Variants in CPED1 observed in about 807,000 individuals in gnomAD.
CPED1 encodes the protein cadherin like and PC-esterase domain containing 1, also known as cadherin-like and PC-esterase domain-containing protein 1.
CPED1 carries 114 observed loss-of-function variants against 128.2 expected under a neutral mutation model. The ratio of observed to expected loss-of-function variants is 0.89; its 90% CI spans 0.76 to 1.04. CPED1 has a LOEUF of 1.04. CPED1 is among the 50% of genes least tolerant of loss of function. The pLI, the probability that CPED1 is intolerant of heterozygous loss-of-function variation, is 0.00. For missense variants in CPED1, 1,211 were observed against 1,207.1 expected (o/e 1.00, Z -0.05); for synonymous variants, 462 against 426.7 (o/e 1.08, Z -1.02).
chr7:121,051,578 C>T, intron 4 of CPED1: 2 of 372,606 alleles, frequency 5.4e-6, no homozygotes, highest in Non-Finnish European at 1.0e-5. Flanking sequence ...ATGTCTTGAA[C>T]ATTTTAAATT....
intron 22 of CPED1, among the ~76,000 whole-genome samples, chr7:121,274,873 G>A (rs1792301247): frequency 6.6e-6 from 1 of 152,050 alleles, no homozygotes; most frequent in Admixed American, 6.6e-5. Context: ...AAAAAAAGTT[G>A]GTGACTGCTC....
chr7:121,122,388 G>A (rs953059222), intron 7 of CPED1, among the ~76,000 whole-genome samples: 6 of 152,106 alleles, frequency 3.9e-5, no homozygotes, highest in African/African-American at 9.7e-5. Context: ...TGATCCACCC[G>A]CCTTGGCCTC....
At chr7:121,177,294 T>G (rs547115111) in intron 16 of CPED1, among the ~76,000 whole-genome samples, 11 of 152,118 alleles carry the variant, frequency 7.2e-5, no homozygotes, top group Admixed American at 2.6e-4. Context: ...TTCAATGATA[T>G]GTGTGTGTGT....
chr7:121,171,333 T>C (rs771436187), intron 16 of CPED1, among the ~76,000 whole-genome samples: 1 of 152,240 alleles, frequency 6.6e-6, no homozygotes, highest in African/African-American at 2.4e-5. Flanking sequence ...AGGAATACTT[T>C]ACAATATCAA....
intron 16 of CPED1, among the ~76,000 whole-genome samples, chr7:121,194,541 G>A (rs1797227272): frequency 6.6e-6 from 1 of 152,020 alleles, no homozygotes; most frequent in South Asian, 2.1e-4. Context: ...TTTACCAGCT[G>A]TATGGTTTGG....
intron 14 of CPED1, 118 bp downstream of exon 14, chr7:121,136,208 T>A: frequency 1.0e-6 from 1 of 987,662 alleles, no homozygotes; most frequent in Non-Finnish European, 1.5e-6. Context: ...ATTGTTAAAG[T>A]AAATTTTAGA....
chr7:121,155,827 A>G (rs910940081), intron 16 of CPED1, among the ~76,000 whole-genome samples: 19 of 152,304 alleles, frequency 1.2e-4, no homozygotes, highest in Middle Eastern at 3.4e-3. Context: ...TTAAAACCCC[A>G]GACAACCAAA....
intron 18 of CPED1, among the ~76,000 whole-genome samples, chr7:121,255,398 A>G (rs149690423): frequency 1.3e-4 from 20 of 152,208 alleles, no homozygotes; most frequent in African/African-American, 4.3e-4. Flanking sequence ...CTAGGCATCA[A>G]TTGAAAGAAC....
At chr7:121,272,043 G>T (rs1792242616) in intron 22 of CPED1, among the ~76,000 whole-genome samples, 1 of 152,042 alleles carries the variant, frequency 6.6e-6, no homozygotes, top group Non-Finnish European at 1.5e-5. Context: ...TCTTGGTCAG[G>T]ACCCATAAGT....
chr7:121,059,199 G>T (rs1339164387), intron 4 of CPED1, among the ~76,000 whole-genome samples: 1 of 152,186 alleles, frequency 6.6e-6, no homozygotes, highest in Non-Finnish European at 1.5e-5. Context: ...TGTAGGATTA[G>T]CAGTCCCTAA....
At chr7:121,249,230 T>C (rs1798611618) in intron 18 of CPED1, among the ~76,000 whole-genome samples, 1 of 152,066 alleles carries the variant, frequency 6.6e-6, no homozygotes, top group Non-Finnish European at 1.5e-5. Context: ...GGAGAGATAA[T>C]AGACAACTTA....
intron 3 of CPED1, among the ~76,000 whole-genome samples, chr7:121,037,455 T>C (rs1174555056): frequency 6.6e-6 from 1 of 152,060 alleles, no homozygotes; most frequent in Non-Finnish European, 1.5e-5. Flanking sequence ...CTGTAAGTAT[T>C]TGGGGTTATT....
chr7:121,004,203 C>A (rs111996185), intron 2 of CPED1, among the ~76,000 whole-genome samples: 2 of 152,162 alleles, frequency 1.3e-5, no homozygotes, highest in African/African-American at 4.8e-5. Flanking sequence ...GGGGAAAATC[C>A]AGATGAACTG....
chr7:121,030,359 G>A (rs920837390), intron 3 of CPED1, among the ~76,000 whole-genome samples: 11 of 152,100 alleles, frequency 7.2e-5, no homozygotes, highest in African/African-American at 1.7e-4. Flanking sequence ...CCAGTTACCC[G>A]TAGTCAACTG....
intron 2 of CPED1, among the ~76,000 whole-genome samples, chr7:121,005,041 T>C (rs1349025629): frequency 1.3e-5 from 2 of 152,206 alleles, no homozygotes. Flanking sequence ...TTTAAAATTA[T>C]TTAATGTCTC....
In CPED1 at chr7:121,100,031, T is replaced by C. The variant is rs372819946; in HGVS notation, c.855T>C (p.Arg285=). ...YVLVTSLTPL[R]AFIHSTGTVW... is the part of the protein sequence containing the mutation. Reference sequence around the variant, plus strand: ...TGGTGACGTCCTTAACCCCTTTGCGTGCATTCATTCATTCGACGGGCACAG... The same window carrying C: ...TGGTGACGTCCTTAACCCCTTTGCGCGCATTCATTCATTCGACGGGCACAG... Residue 285 remains arginine, a synonymous_variant, in exon 7 of 23, where the codon CGT becomes CGC. Transcript: ENST00000310396. 1.6e-5 allele frequency: 26 copies of C among 1,613,566 alleles called. No individual in the cohort carries two copies. In the African/African-American group the frequency reaches 3.2e-4, roughly 20 times the overall value.
chr7:121,158,387 C>T (rs146303593), intron 16 of CPED1, among the ~76,000 whole-genome samples: 1 of 152,104 alleles, frequency 6.6e-6, no homozygotes, highest in Non-Finnish European at 1.5e-5. Context: ...GGCATTCAGC[C>T]CTCCCTGCCA....
At chr7:121,281,048 A>C (rs1792450992) in intron 22 of CPED1, among the ~76,000 whole-genome samples, 1 of 152,170 alleles carries the variant, frequency 6.6e-6, no homozygotes, top group African/African-American at 2.4e-5. Flanking sequence ...CCTCTAATCC[A>C]GTATAGGACA....
chr7:121,186,260 A>C (rs985216245), intron 16 of CPED1, among the ~76,000 whole-genome samples: 28 of 152,180 alleles, frequency 1.8e-4, no homozygotes, highest in African/African-American at 6.3e-4. Flanking sequence ...TTCAAATTTT[A>C]CTTCAATACT....
Sources: allele counts gnomAD v4.1 joint callset (sites outside exome capture counted in the v4.1 genomes callset), GRCh38; gene constraint gnomAD v4.1.1; transcripts MANE v1.5; gene names NCBI Gene and HGNC (gene_info 2026-07-23, HGNC 2026-07-21).